Variants in RMST observed in about 807,000 individuals in gnomAD.
RMST encodes the protein long intergenic non-protein coding RNA 54.
At chr12:97,540,863 C>A (rs184810620) in intron 11 of RMST, among the ~76,000 whole-genome samples, 1 of 151,528 alleles carries the variant, frequency 6.6e-6, no homozygotes, top group East Asian at 1.9e-4. Context: ...CATTAATTTA[C>A]TTAAACTTCT....
intron 5 of RMST, among the ~76,000 whole-genome samples, chr12:97,486,625 T>G (rs1244132905): frequency 1.3e-5 from 2 of 152,210 alleles, no homozygotes; most frequent in Non-Finnish European, 2.9e-5. Context: ...AGAAATGGCT[T>G]CTGTATATAT....
intron 10 of RMST, among the ~76,000 whole-genome samples, chr12:97,524,095 A>AAAAAAAAAAAAAAAAAAC (rs1211291403): frequency 6.8e-6 from 1 of 147,266 alleles, no homozygotes; most frequent in African/African-American, 2.5e-5. Context: ...AAAAAAAAAA[A>AAAAAAAAAAAAAAAAAAC]AAAAAAAATC....
intron 5 of RMST, among the ~76,000 whole-genome samples, chr12:97,466,795 G>A (rs1317848199): frequency 1.3e-5 from 2 of 152,074 alleles, no homozygotes; most frequent in South Asian, 2.1e-4. Context: ...TTCTTGTATA[G>A]AAATCATTTT....
At chr12:97,479,129 T>C (rs1314836691) in intron 5 of RMST, among the ~76,000 whole-genome samples, 1 of 131,006 alleles carries the variant, frequency 7.6e-6, no homozygotes, top group African/African-American at 3.1e-5. Context: ...TTTCCTTGTC[T>C]TTGCTTTTTT....
chr12:97,518,151 G>GT (rs536008810), intron 10 of RMST, among the ~76,000 whole-genome samples: 1 of 151,774 alleles, frequency 6.6e-6, no homozygotes, highest in Non-Finnish European at 1.5e-5. Flanking sequence ...CTTTTTAAAA[G>GT]TTTTTTTTAA....
At chr12:97,520,600 AT>A in intron 10 of RMST, among the ~76,000 whole-genome samples, 1 of 152,110 alleles carries the variant, frequency 6.6e-6, no homozygotes, top group African/African-American at 2.4e-5. Context: ...TTGGCCTTTT[AT>A]TTTTCTTTTT....
chr12:97,489,765 A>T (rs1876549729), intron 5 of RMST, among the ~76,000 whole-genome samples: 1 of 152,240 alleles, frequency 6.6e-6, no homozygotes. Flanking sequence ...ATATAATAAT[A>T]ACAATAGTTC....
chr12:97,553,231 T>C (rs1321390564), intron 11 of RMST, among the ~76,000 whole-genome samples: 1 of 147,866 alleles, frequency 6.8e-6, no homozygotes, highest in East Asian at 2.3e-4. Context: ...AATAACAAAA[T>C]AGCGATACAT....
chr12:97,527,485 A>AG (rs1592744743), intron 10 of RMST, among the ~76,000 whole-genome samples: 2 of 152,328 alleles, frequency 1.3e-5, no homozygotes, highest in Admixed American at 6.5e-5. Context: ...CACAGGGAGC[A>AG]GAAATCAGCA....
intron 6 of RMST, chr12:97,493,049 A>G (rs973758947): frequency 1.3e-5 from 2 of 152,464 alleles, no homozygotes; most frequent in Admixed American, 1.3e-4. Flanking sequence ...TGGCTCAGAA[A>G]AAATCAAGCA....
chr12:97,469,197 T>C (rs1416326693), intron 5 of RMST, among the ~76,000 whole-genome samples: 1 of 146,576 alleles, frequency 6.8e-6, no homozygotes, highest in African/African-American at 2.7e-5. Context: ...TGTATATATA[T>C]ACACATTTAC....
intron 11 of RMST, among the ~76,000 whole-genome samples, chr12:97,545,963 C>G (rs1273006260): frequency 6.6e-6 from 1 of 152,096 alleles, no homozygotes; most frequent in Non-Finnish European, 1.5e-5. Flanking sequence ...GTGACATAAA[C>G]ACTTCAGATA....
Position 97,466,609 on chromosome 12 carries a change from A to G in RMST, n.644+882A>G, listed in dbSNP as rs114753886. Among the ~76,000 whole-genome samples, 591 of 152,238 alleles carry G rather than the reference A, an allele frequency of 3.9e-3. 7 individuals carry two copies. Among genetic ancestry groups the G allele is most frequent in the African/African-American group, 0.013 (560 of 41,564 alleles). On this transcript the variant is annotated intron_variant and non_coding_transcript_variant, in intron 5 of 13. Transcript: ENST00000640149. ...TGAAATGATTAAATTCACTCTCTGA[A>G]GAATCTGGGGAAAAGGCCTGTAATG...
At chr12:97,465,757 T>C (rs1347190654) in intron 5 of RMST, 1 of 152,178 alleles carries the variant, frequency 6.6e-6, no homozygotes, top group African/African-American at 2.4e-5. Flanking sequence ...AAAAGTGCAA[T>C]TTTCAAACCG....
intron 5 of RMST, among the ~76,000 whole-genome samples, chr12:97,481,839 A>G (rs1427418539): frequency 6.6e-6 from 1 of 152,218 alleles, no homozygotes; most frequent in Non-Finnish European, 1.5e-5. Context: ...AATATTTCCA[A>G]GACTGGCTAA....
intron 5 of RMST, among the ~76,000 whole-genome samples, chr12:97,476,878 T>C (rs1874612783): frequency 6.6e-6 from 1 of 152,028 alleles, no homozygotes; most frequent in South Asian, 2.1e-4. Context: ...AATCATAGGG[T>C]AATTTGGGAT....
intron 5 of RMST, among the ~76,000 whole-genome samples, chr12:97,479,262 C>T (rs11109057): frequency 0.17 from 26,462 of 151,388 alleles, 2,436 homozygotes; most frequent in African/African-American, 0.21. Context: ...ACCTCAGCCT[C>T]CCAAGGAGCT....
chr12:97,541,217 G>A (rs1282521935), intron 11 of RMST: 1 of 151,518 alleles, frequency 6.6e-6, no homozygotes, highest in East Asian at 1.9e-4. Flanking sequence ...AGCAAGACAA[G>A]ACAAGTAATA....
intron 10 of RMST, among the ~76,000 whole-genome samples, chr12:97,515,215 ATAGT>A (rs1186308836): frequency 1.3e-5 from 2 of 152,120 alleles, no homozygotes; most frequent in Non-Finnish European, 2.9e-5. Flanking sequence ...TTAACTTTTC[ATAGT>A]TAGGCCTAAA....
Sources: gnomAD v4.1 joint callset for allele counts (sites outside exome capture counted in the v4.1 genomes callset) on GRCh38, gnomAD v4.1.1 for gene constraint, MANE v1.5 for transcripts, NCBI Gene and HGNC (gene_info 2026-07-23, HGNC 2026-07-21) for gene names.